SCD: variants seen among roughly 807,000 people sequenced by gnomAD.
SCD encodes stearoyl-CoA desaturase, also known as acyl-CoA desaturase.
A neutral mutation model predicts 35.7 loss-of-function variants in SCD; 4 were observed. That is an observed-to-expected ratio of 0.11 (90% confidence interval 0.06 to 0.26). SCD has a LOEUF of 0.26. SCD is among the 10% of genes least tolerant of loss of function. SCD has a pLI of 1.00. For missense variants in SCD, 282 were observed against 460.7 expected (o/e 0.61, Z 3.55); for synonymous variants, 150 against 170.2 (o/e 0.88, Z 0.92).
chr10:100,355,784 A>G (rs995856798), intron 4 of SCD, among the ~76,000 whole-genome samples: 6 of 152,162 alleles, frequency 3.9e-5, no homozygotes, highest in African/African-American at 1.4e-4. Context: ...TGGAATGTCA[A>G]TGGCCTGGTC....
At chr10:100,354,660 A>C in intron 4 of SCD, 28 bp downstream of exon 4, 1 of 1,579,188 alleles carries the variant, frequency 6.3e-7, no homozygotes, top group Non-Finnish European at 8.7e-7. Flanking sequence ...GGAGGTGGGG[A>C]TATGGCCCTG....
rs1849920841 is a variant in SCD at position 100,355,722 on chromosome 10, A to T, written c.648-810A>T. On this transcript the variant is annotated intron_variant, in intron 4 of 5. Transcript: ENST00000370355. ...GAGTTGGGTGCAGGGAATGTCAGTGATGTAAAAGTCAAAGACTTGACTGCT... is the reference window on the plus strand; with the variant it reads ...GAGTTGGGTGCAGGGAATGTCAGTGTTGTAAAAGTCAAAGACTTGACTGCT... 3.3e-5 allele frequency among the ~76,000 whole-genome samples: 5 copies of T among 152,252 alleles called. No individual in the cohort carries two copies. The South Asian group carries it at 1.0e-3, about 32-fold the overall frequency.
At chr10:100,349,888 C>T (rs1849853175) in intron 2 of SCD, among the ~76,000 whole-genome samples, 1 of 152,112 alleles carries the variant, frequency 6.6e-6, no homozygotes, top group Admixed American at 6.5e-5. Context: ...ATGCCTCTCT[C>T]CACCCTTTCT....
rs545033833 is a variant in SCD, at chr10:100,356,493, T to TC, written c.648-34dup. On this transcript the variant is annotated intron_variant, in intron 4 of 5. Coordinates refer to ENST00000370355, the MANE Select transcript of SCD (RefSeq NM_005063.5). This position sits in a 1 kb window ranked among gnomAD's most constrained non-coding sequence, Gnocchi z 4.1. Reference sequence around the variant, plus strand: ...GTGGAAGATCCATGTAGGTGTGGAGTCCCCCTCCATTGACCTGGTGTCTGG... The same window carrying TC: ...GTGGAAGATCCATGTAGGTGTGGAGTCCCCCCTCCATTGACCTGGTGTCTGG... 60 of 1,449,878 alleles carry TC rather than the reference T, an allele frequency of 4.1e-5. No homozygotes were observed. In the African/African-American group the frequency reaches 6.3e-4, roughly 15 times the overall value. The allele number at this position is 1,449,878 out of a possible 1,614,324, so 89.8% of individuals were successfully genotyped here.
At position 100,356,536 on chromosome 10, in the gene SCD, T is replaced by C. The variant is rs755400156; in HGVS notation, c.652T>C (p.Tyr218His). The change falls in exon 5 of 6, where the codon TAC (tyrosine) becomes CAC (histidine). Residue 218 changes from tyrosine (Y) to histidine (H), a missense_variant. Transcript: ENST00000370355. This position sits in a 1 kb window ranked among gnomAD's most constrained non-coding sequence, Gnocchi z 4.1. ...GTGTCTGGTCTGTCAATGTAGGTAC[T>C]ACAAACCTGGCTTGCTGATGATGTG... is the stretch of plus-strand genomic sequence containing the variant. The part of the protein sequence containing the change: ...EKLVMFQRRY[Y>H]KPGLLMMCFI... 1.2e-6 allele frequency: 2 copies of C among 1,613,852 alleles called. No homozygotes were observed. Among genetic ancestry groups the C allele is most frequent in the Non-Finnish European group, 1.7e-6 (2 of 1,179,710 alleles).
chr10:100,359,686 C>T (rs1465614155), intron 5 of SCD, among the ~76,000 whole-genome samples: 1 of 152,152 alleles, frequency 6.6e-6, no homozygotes, highest in East Asian at 1.9e-4. Context: ...CCTTGCCTTG[C>T]TTCTGATTAA....
chr10:100,358,586 G>A (rs1218302888), intron 5 of SCD, among the ~76,000 whole-genome samples: 4 of 131,374 alleles, frequency 3.0e-5, no homozygotes, highest in African/African-American at 5.8e-5. Flanking sequence ...GCGACAGAGC[G>A]AGACTCCGTC....
Position 100,361,993 on chromosome 10 carries a change from A to G in SCD, c.*1060A>G, listed in dbSNP as rs1235222808. On this transcript the variant is annotated 3_prime_UTR_variant, in exon 6 of 6. Transcript: ENST00000370355. ...AAAAGGGAAGGATTTAAGGAGGTGA[A>G]GTCGGGTCAAAAATAAAATATATAT... is the stretch of plus-strand genomic sequence containing the variant. 1 of 152,234 alleles carries G rather than the reference A, an allele frequency of 6.6e-6. No individual in the cohort carries two copies. The highest frequency in any genetic ancestry group is 1.5e-5 in the Non-Finnish European group (1 of 68,046). The allele number at this position is 152,234 out of a possible 1,614,324, so 9.4% of individuals were successfully genotyped here.
chr10:100,348,157 T>C lies in SCD; in HGVS notation c.121T>C (p.Tyr41His), dbSNP rs954342574. 2 of 1,613,878 alleles carry C rather than the reference T, an allele frequency of 1.2e-6. No individual in the cohort carries two copies. The highest frequency in any genetic ancestry group is 1.7e-6 in the Non-Finnish European group (2 of 1,179,878). The change falls in exon 2 of 6, where the codon TAC (tyrosine) becomes CAC (histidine). Residue 41 changes from tyrosine (Y) to histidine (H), a missense_variant. By Grantham distance (83) the Tyr-to-His change is moderately conservative. Around this residue, in one of 2 missense-constraint regions of SCD, gnomAD observed 77 missense variants for 88.4 expected, o/e 0.87. Transcript: ENST00000370355. ...GGDKLETMPL[Y>H]LEDDIRPDIK... ...AGATAAGTTGGAGACGATGCCCCTCTACTTGGAAGACGACATTCGCCCTGA... is the reference window on the plus strand; with the variant it reads ...AGATAAGTTGGAGACGATGCCCCTCCACTTGGAAGACGACATTCGCCCTGA...
At chr10:100,360,258 T>TGCACAC (rs1449350156) in intron 5 of SCD, among the ~76,000 whole-genome samples, 1 of 152,264 alleles carries the variant, frequency 6.6e-6, no homozygotes, top group Non-Finnish European at 1.5e-5. Context: ...CACATGCACA[T>TGCACAC]GCACACAGAG....
intron 5 of SCD, among the ~76,000 whole-genome samples, chr10:100,359,907 G>C (rs996402814): frequency 6.6e-6 from 1 of 152,200 alleles, no homozygotes; most frequent in African/African-American, 2.4e-5. Flanking sequence ...TCCAGAATTT[G>C]TTTGTTTTCC....
chr10:100,351,487 G>T (rs192180332), intron 2 of SCD, among the ~76,000 whole-genome samples: 1 of 152,168 alleles, frequency 6.6e-6, no homozygotes, highest in Admixed American at 6.5e-5. Flanking sequence ...TTGGATTTAT[G>T]CACAGGGCTA....
At chr10:100,347,876 A>C (rs1200037071) in intron 1 of SCD, among the ~76,000 whole-genome samples, 188 bp from the exon 2 acceptor site, 1 of 151,488 alleles carries the variant, frequency 6.6e-6, no homozygotes, top group Non-Finnish European at 1.5e-5. Flanking sequence ...CTCCGCCCCT[A>C]ATGTATCTGT....
chr10:100,352,538 T>C lies in SCD; in HGVS notation c.441+42T>C. Reference sequence around the variant, plus strand: ...GCTCAGCTGTTTGTCCTCCACACTATTAATGATCCGGGGACAGAAAGGAGG... The same window carrying C: ...GCTCAGCTGTTTGTCCTCCACACTACTAATGATCCGGGGACAGAAAGGAGG... On this transcript the variant is annotated intron_variant, in intron 3 of 5. Coordinates refer to ENST00000370355, the MANE Select transcript of SCD (RefSeq NM_005063.5). This position sits in a 1 kb window ranked among gnomAD's most constrained non-coding sequence, Gnocchi z 4.2. 6.3e-7 allele frequency: 1 copy of C among 1,597,946 alleles called. No individual in the cohort carries two copies. Among genetic ancestry groups the C allele is most frequent in the East Asian group, 2.2e-5 (1 of 44,754 alleles).
In SCD at chr10:100,356,117, C is replaced by T. The variant is rs558098582; in HGVS notation, c.648-415C>T. Among the ~76,000 whole-genome samples the T allele has an allele frequency of 1.0e-3, 154 of 152,178 alleles. No homozygotes were observed. The highest frequency in any genetic ancestry group is 3.4e-3 in the African/African-American group (143 of 41,544). On this transcript the variant is annotated intron_variant, in intron 4 of 5. Coordinates refer to ENST00000370355, the MANE Select transcript of SCD (RefSeq NM_005063.5). The surrounding 1 kb of genome is among the most constrained non-coding windows in gnomAD (Gnocchi z 4.1). Reference sequence around the variant, plus strand: ...ATGGCCGGGCATGGTGGCTCATGCCCGTAATCCCAGCACTTTGGGAGGCTG... The same window carrying T: ...ATGGCCGGGCATGGTGGCTCATGCCTGTAATCCCAGCACTTTGGGAGGCTG...
chr10:100,348,045 C>A lies in SCD; in HGVS notation c.28-19C>A. 1 of 1,609,828 alleles carries A rather than the reference C, an allele frequency of 6.2e-7. No homozygotes were observed. Among genetic ancestry groups the A allele is most frequent in the Non-Finnish European group, 8.5e-7 (1 of 1,177,926 alleles). ...CCACGTGTCTCTTCTCCTGACTCTC[C>A]TCTTCCTCCCCCTTCCAGATCTCTA... is the stretch of plus-strand genomic sequence containing the variant. On this transcript the variant is annotated intron_variant, in intron 1 of 5. Coordinates refer to ENST00000370355, the MANE Select transcript of SCD (RefSeq NM_005063.5).
At chr10:100,348,812 G>C (rs1247380687) in intron 2 of SCD, among the ~76,000 whole-genome samples, 1 of 152,122 alleles carries the variant, frequency 6.6e-6, no homozygotes, top group Non-Finnish European at 1.5e-5. Flanking sequence ...AGGGAGGAGA[G>C]AGCTCATTGG....
At chr10:100,353,901 G>A (rs7904902) in intron 3 of SCD, among the ~76,000 whole-genome samples, 11,614 of 152,270 alleles carry the variant, frequency 0.076, 1,272 homozygotes, top group African/African-American at 0.25. Flanking sequence ...CCCAGAGGTC[G>A]TTTGAAAATG....
In SCD at chr10:100,356,180, C is replaced by T. The variant is rs544281233; in HGVS notation, c.648-352C>T. Among the ~76,000 whole-genome samples, 1 of 152,102 alleles carries T rather than the reference C, an allele frequency of 6.6e-6. No individual in the cohort carries two copies. The highest frequency in any genetic ancestry group is 6.5e-5 in the Admixed American group (1 of 15,280). On this transcript the variant is annotated intron_variant, in intron 4 of 5. Coordinates refer to ENST00000370355, the MANE Select transcript of SCD (RefSeq NM_005063.5). The surrounding 1 kb of genome is among the most constrained non-coding windows in gnomAD (Gnocchi z 4.1). Reference sequence around the variant, plus strand: ...TGCTGGAAAGTTCAGGCATTCGAGACCAGCCTGGGCAACATAGTGAGACCT... The same window carrying T: ...TGCTGGAAAGTTCAGGCATTCGAGATCAGCCTGGGCAACATAGTGAGACCT...
Sources: gnomAD v4.1 joint callset for allele counts (sites outside exome capture counted in the v4.1 genomes callset) on GRCh38, gnomAD v4.1.1 for gene constraint, gnomAD v4.1.1 regional missense constraint, Gnocchi (gnomAD v3.1) non-coding constraint, MANE v1.5 for transcripts, NCBI Gene and HGNC (gene_info 2026-07-23, HGNC 2026-07-21) for gene names.